The following SLC18A1 variants were observed in gnomAD, a reference collection of about 807,000 sequenced individuals.
SLC18A1 encodes the protein solute carrier family 18 member A1, also known as chromaffin granule amine transporter.
A neutral mutation model predicts 53.7 loss-of-function variants in SLC18A1; 69 were observed. The observed-to-expected ratio is 1.28, with a 90% CI of 1.06 to 1.57. The LOEUF is 1.57. Among genes scored for constraint, SLC18A1 ranks in the 40% most tolerant of loss-of-function variants. The pLI is 0.00. For synonymous variants in SLC18A1, 320 were observed against 248.1 expected (o/e 1.29, Z -2.72); for missense variants, 932 against 668.1 (o/e 1.40, Z -4.35).
rs7828618 is a variant in SLC18A1, at chr8:20,173,548, G to A, written c.632-420C>T. 4.2e-3 allele frequency among the ~76,000 whole-genome samples: 638 copies of A among 152,338 alleles called. 7 individuals are homozygous for A. The highest frequency in any genetic ancestry group is 0.015 in the African/African-American group (610 of 41,568). On this transcript the variant is annotated intron_variant, in intron 5 of 15. Coordinates refer to ENST00000276373, the MANE Select transcript of SLC18A1 (RefSeq NM_003053.4). ...GCAGGAAAGCACTGCAGACCTGGAA[G>A]AAAGTGTGGGCTAGTGCTGTACGGC...
intron 10 of SLC18A1, among the ~76,000 whole-genome samples, chr8:20,151,382 A>T (rs555286559): frequency 6.6e-6 from 1 of 152,136 alleles, no homozygotes; most frequent in Non-Finnish European, 1.5e-5. Context: ...ACCCTTGATT[A>T]TCAGCGTGAG....
rs376515342 is a variant in SLC18A1 at position 20,150,780 on chromosome 8, T to A, written c.1016-36A>T. On this transcript the variant is annotated intron_variant, in intron 10 of 15. Transcript: ENST00000276373. ...ACACAGATCCTTACCTTAGGACATG[T>A]CCAATTTACTCTAAAATGCCTTGTC... 2.3e-5 allele frequency: 36 copies of A among 1,565,438 alleles called. No homozygotes were observed. The African/African-American group carries it at 2.6e-4, about 11-fold the overall frequency.
chr8:20,174,467 T>C (rs1211699795), intron 4 of SLC18A1, 23 bp from the exon 5 acceptor site: 2 of 1,567,122 alleles, frequency 1.3e-6, no homozygotes, highest in Non-Finnish European at 1.8e-6. Context: ...AATAGCAAGA[T>C]AACTGCAGTT....
At chr8:20,154,853 G>T (rs958572463) in intron 10 of SLC18A1, among the ~76,000 whole-genome samples, 1 of 152,166 alleles carries the variant, frequency 6.6e-6, no homozygotes, top group African/African-American at 2.4e-5. Context: ...ACGGCTGAGC[G>T]CTGCCATCAC....
At chr8:20,152,009 T>G (rs2071569155) in intron 10 of SLC18A1, among the ~76,000 whole-genome samples, 1 of 152,152 alleles carries the variant, frequency 6.6e-6, no homozygotes, top group Non-Finnish European at 1.5e-5. Flanking sequence ...AAATTTAATG[T>G]GGTGATATAG....
intron 11 of SLC18A1, among the ~76,000 whole-genome samples, 196 bp downstream of exon 11, chr8:20,150,470 G>A (rs908579699): frequency 1.3e-5 from 2 of 152,154 alleles, no homozygotes; most frequent in African/African-American, 4.8e-5. Context: ...AATCAGCTCA[G>A]AGCTCAGGAC....
At position 20,171,382 on chromosome 8, in the gene SLC18A1, T is replaced by G. The variant is rs1038507481; in HGVS notation, c.814+23A>C. 2.5e-6 allele frequency: 4 copies of G among 1,599,402 alleles called. No homozygotes were observed. In the South Asian group the frequency reaches 4.4e-5, roughly 18 times the overall value. ...CAACCTGACCTGGGCTGTCACCTGC[T>G]GGAGGCTCTGATGGTGACTTACCTC... is the stretch of plus-strand genomic sequence containing the variant. On this transcript the variant is annotated intron_variant, in intron 7 of 15. Transcript: ENST00000276373.
At position 20,147,714 on chromosome 8, in the gene SLC18A1, C is replaced by T; in HGVS notation, c.1219G>A (p.Asp407Asn). 3.1e-6 allele frequency: 5 copies of T among 1,613,280 alleles called. No homozygotes were observed. The highest frequency in any genetic ancestry group is 4.2e-6 in the Non-Finnish European group (5 of 1,179,796). Residue 407 changes from aspartate to asparagine, a missense_variant, in exon 14 of 16, where the codon GAT (aspartate) becomes AAT (asparagine). By Grantham distance (23) the Asp-to-Asn change is conservative (BLOSUM62 1). Coordinates refer to ENST00000276373, the MANE Select transcript of SLC18A1 (RefSeq NM_003053.4). ...AGLGLAIGMV[D>N]SSMMPIMGHL... ...CCCATGATGGGCATCATAGAAGAAT[C>T]CACCATGCCTGTGGCCAGAGCAAAC...
chr8:20,171,595 A>C, intron 6 of SLC18A1, 101 bp from the exon 7 acceptor site: 1 of 893,278 alleles, frequency 1.1e-6, no homozygotes, highest in East Asian at 2.5e-5. Flanking sequence ...AAGGCCTGCT[A>C]GGGGCTAAGC....
chr8:20,173,699 C>G lies in SLC18A1; in HGVS notation c.632-571G>C, dbSNP rs117182915. On this transcript the variant is annotated intron_variant, in intron 5 of 15. Coordinates refer to ENST00000276373, the MANE Select transcript of SLC18A1 (RefSeq NM_003053.4). Reference sequence around the variant, plus strand: ...GTGCTGGTGTTACCAGTAGTACTAACATGATTATTCCTATAAAGTACTAAG... The same window carrying G: ...GTGCTGGTGTTACCAGTAGTACTAAGATGATTATTCCTATAAAGTACTAAG... 1.3e-3 allele frequency among the ~76,000 whole-genome samples: 192 copies of G among 152,252 alleles called. No homozygotes were observed. The East Asian group carries it at 0.017, about 14-fold the overall frequency.
At chr8:20,169,230 T>C (rs1486929320) in intron 8 of SLC18A1, among the ~76,000 whole-genome samples, 1 of 152,124 alleles carries the variant, frequency 6.6e-6, no homozygotes, top group Non-Finnish European at 1.5e-5. Flanking sequence ...AATGTCAATG[T>C]CATGAAAGAT....
intron 15 of SLC18A1, among the ~76,000 whole-genome samples, chr8:20,146,560 C>T (rs2071403807): frequency 6.6e-6 from 1 of 152,082 alleles, no homozygotes. Flanking sequence ...GAGGAAAGTG[C>T]TTTATTAAAG....
At chr8:20,168,330 A>G (rs936940456) in intron 8 of SLC18A1, among the ~76,000 whole-genome samples, 44 of 152,076 alleles carry the variant, frequency 2.9e-4, no homozygotes, top group African/African-American at 9.4e-4. Context: ...TCACACCTCT[A>G]CACTCCAGCC....
chr8:20,179,478 A>G lies in SLC18A1; in HGVS notation c.131T>C (p.Ile44Thr). Reference sequence around the variant, plus strand: ...CATGTCATATAGGAAGGTGGGCACAATTGGCACTGAAAGTCAAAGAGGACA... The same window carrying G: ...CATGTCATATAGGAAGGTGGGCACAGTTGGCACTGAAAGTCAAAGAGGACA... The part of the protein sequence containing the change: ...DNMLFTVVVP[I>T]VPTFLYDMEF... Residue 44 changes from isoleucine to threonine, a missense_variant, in exon 3 of 16, where the codon ATT becomes ACT. Physicochemically the swap from Ile to Thr is moderately conservative, Grantham distance 89. Transcript: ENST00000276373. The G allele has an allele frequency of 6.2e-7, 1 of 1,608,616 alleles. No homozygotes were observed. Among genetic ancestry groups the G allele is most frequent in the South Asian group, 1.1e-5 (1 of 90,562 alleles).
chr8:20,164,810 G>A, intron 10 of SLC18A1, 59 bp downstream of exon 10: 1 of 1,314,134 alleles, frequency 7.6e-7, no homozygotes. Flanking sequence ...TGAACGAAAG[G>A]ACTCATGGCA....
At chr8:20,156,475 G>A (rs1238706760) in intron 10 of SLC18A1, among the ~76,000 whole-genome samples, 1 of 152,180 alleles carries the variant, frequency 6.6e-6, no homozygotes, top group Non-Finnish European at 1.5e-5. Context: ...TTCCTCCCGG[G>A]TGACTGAGGG....
In SLC18A1 at chr8:20,145,820, G is replaced by A. The variant is rs767320840; in HGVS notation, c.1521C>T (p.Pro507=). 3.1e-6 allele frequency: 5 copies of A among 1,612,224 alleles called. No individual in the cohort carries two copies. In the South Asian group the frequency reaches 4.4e-5, roughly 14 times the overall value. Residue 507 remains proline (P), a synonymous_variant, in exon 16 of 16, where the codon CCC becomes CCT. Transcript: ENST00000276373. The part of the protein sequence containing the change: ...METRMYATQK[P]TKEFPLGEDS... The stretch of plus-strand genomic sequence containing the variant: ...CCTCCCCCAGAGGAAATTCCTTCGT[G>A]GGCTTCTGGGTTGCATACATCCGGG...
Position 20,178,407 on chromosome 8 carries a change from G to A in SLC18A1, c.547+28C>T, listed in dbSNP as rs769435193. 4 of 1,581,618 alleles carry A rather than the reference G, an allele frequency of 2.5e-6. No individual in the cohort carries two copies. The Admixed American group carries it at 6.9e-5, about 27-fold the overall frequency. ...ATAAAATCAAAGGTAATCAGTGAAG[G>A]GAAGAAAAGAGGAAGCAAATTACTT... On this transcript the variant is annotated intron_variant, in intron 4 of 15. Transcript: ENST00000276373.
chr8:20,147,642 C>T lies in SLC18A1; in HGVS notation c.1291G>A (p.Ala431Thr), dbSNP rs745837507. 35 of 1,613,952 alleles carry T rather than the reference C, an allele frequency of 2.2e-5. No homozygotes were observed. The East Asian group carries it at 3.1e-4, about 14-fold the overall frequency. Residue 431 changes from alanine (A) to threonine (T), a missense_variant, in exon 14 of 16, where the codon GCC becomes ACC. Ala to Thr is a moderately conservative substitution (Grantham distance 58). Transcript: ENST00000276373. ...ATGCAAAAAGCCACATCAGCGATGG[C>T]GTAGACACTCCCATACACCGAGGTG... ...RHTSVYGSVY[A>T]IADVAFCMGF...
Sources: allele counts gnomAD v4.1 joint callset (sites outside exome capture counted in the v4.1 genomes callset), GRCh38; gene constraint gnomAD v4.1.1; transcripts MANE v1.5; gene names NCBI Gene and HGNC (gene_info 2026-07-23, HGNC 2026-07-21).